Variants in COL15A1 observed in about 807,000 individuals in gnomAD.
The protein encoded by COL15A1 is collagen type XV alpha 1 chain, also known as collagen alpha-1(XV) chain.
Under a neutral mutation model 165.9 loss-of-function variants are expected in COL15A1, and 111 were observed. The observed-to-expected ratio is 0.67, with a 90% CI of 0.57 to 0.78. The LOEUF is 0.78. Among genes scored for constraint, COL15A1 ranks in the 30% least tolerant of loss-of-function variants. The pLI is 0.00. For missense variants in COL15A1, 1,745 were observed against 1,789.7 expected, an observed-to-expected ratio of 0.98 and a Z score of 0.45; for synonymous variants, 659 against 674.8, an observed-to-expected ratio of 0.98 and a Z score of 0.36.
chr9:99,051,487 A>C (rs1196965922), intron 30 of COL15A1, among the ~76,000 whole-genome samples: 1 of 152,176 alleles, frequency 6.6e-6, no homozygotes, highest in Non-Finnish European at 1.5e-5. Flanking sequence ...CCAGCATCTC[A>C]TGAGCCCCTT....
chr9:98,975,196 GC>G (rs1261338267), intron 2 of COL15A1, among the ~76,000 whole-genome samples: 1 of 152,242 alleles, frequency 6.6e-6, no homozygotes, highest in Non-Finnish European at 1.5e-5. Context: ...ACGCTCCTTA[GC>G]CTCCTCTGGC....
chr9:99,048,071 C>A, intron 28 of COL15A1, 71 bp downstream of exon 28: 3 of 831,560 alleles, frequency 3.6e-6, no homozygotes, highest in South Asian at 1.4e-5. Flanking sequence ...GTCCACAGAG[C>A]AGGGCCTGTG....
At chr9:99,065,943 G>A (rs1564097896) in intron 39 of COL15A1, among the ~76,000 whole-genome samples, 1 of 151,830 alleles carries the variant, frequency 6.6e-6, no homozygotes, top group Non-Finnish European at 1.5e-5. Flanking sequence ...TCTGAGAGGC[G>A]GGGTAGAAAC....
At chr9:98,974,175 C>T (rs776526301) in intron 2 of COL15A1, among the ~76,000 whole-genome samples, 3 of 152,134 alleles carry the variant, frequency 2.0e-5, no homozygotes, top group Non-Finnish European at 4.4e-5. Context: ...AAAGGACTTC[C>T]GAAGACTTCG....
At chr9:99,030,578 C>T (rs16918141) in intron 16 of COL15A1, among the ~76,000 whole-genome samples, 2,307 of 152,274 alleles carry the variant, frequency 0.015, 98 homozygotes, top group East Asian at 0.13. Flanking sequence ...TGGATAAAAT[C>T]ATCTAAGACC....
At chr9:99,009,486 T>C (rs1838814089) in intron 9 of COL15A1, among the ~76,000 whole-genome samples, 1 of 152,230 alleles carries the variant, frequency 6.6e-6, no homozygotes, top group African/African-American at 2.4e-5. Context: ...TATGTCTCTT[T>C]TGGACTTCAG....
chr9:99,011,577 A>G (rs1273106389), intron 9 of COL15A1, among the ~76,000 whole-genome samples: 2 of 152,064 alleles, frequency 1.3e-5, no homozygotes, highest in Admixed American at 6.5e-5. Context: ...TGTTTTATAC[A>G]TAACCTTTAA....
intron 40 of COL15A1, 68 bp from the exon 41 acceptor site, chr9:99,068,484 AAAG>A: frequency 1.1e-5 from 7 of 650,598 alleles, no homozygotes; most frequent in Admixed American, 3.8e-5. Flanking sequence ...AAAAAAAAAA[AAAG>A]AGTAAAAATC....
chr9:99,056,138 G>T (rs1188792954), intron 34 of COL15A1, 122 bp from the exon 35 acceptor site: 5 of 1,056,892 alleles, frequency 4.7e-6, no homozygotes, highest in Non-Finnish European at 7.3e-6. Context: ...CCAAGATTGA[G>T]GATAGTAATA....
chr9:99,003,380 T>C, intron 7 of COL15A1, 73 bp from the exon 8 acceptor site: 1 of 1,243,934 alleles, frequency 8.0e-7, no homozygotes, highest in East Asian at 2.8e-5. Context: ...GGCTAGGCAG[T>C]CTGTTCTCAC....
rs1837844960 is a variant in COL15A1 at position 98,960,301 on chromosome 9, G to A, written c.100+16051G>A. 5.9e-5 allele frequency among the ~76,000 whole-genome samples: 9 copies of A among 152,166 alleles called. No homozygotes were observed. The South Asian group carries it at 1.9e-3, about 32-fold the overall frequency. ...TGTACTCCCAGCTACTTGGGAGCCT[G>A]AGGTGGGAGGATCGCTTGAGCCCAA... On this transcript the variant is annotated intron_variant, in intron 2 of 41. Coordinates refer to ENST00000375001, the MANE Select transcript of COL15A1 (RefSeq NM_001855.5).
At chr9:98,996,664 C>T (rs1453528453) in intron 5 of COL15A1, among the ~76,000 whole-genome samples, 1 of 152,194 alleles carries the variant, frequency 6.6e-6, no homozygotes, top group Non-Finnish European at 1.5e-5. Flanking sequence ...TTGGGAATCA[C>T]AGAAATGTGG....
chr9:99,008,854 C>A (rs1458197070), intron 9 of COL15A1, among the ~76,000 whole-genome samples: 3 of 152,226 alleles, frequency 2.0e-5, no homozygotes, highest in African/African-American at 7.2e-5. Flanking sequence ...AGATGATCCA[C>A]CTGCCTCAGC....
chr9:99,060,351 T>C (rs1270449850), intron 36 of COL15A1, among the ~76,000 whole-genome samples: 1 of 150,174 alleles, frequency 6.7e-6, no homozygotes, highest in Non-Finnish European at 1.5e-5. Context: ...AGCCTCAACC[T>C]CCCTGAGCTC....
intron 39 of COL15A1, 42 bp from the exon 40 acceptor site, chr9:99,066,840 G>A (rs1825901837): frequency 6.4e-7 from 1 of 1,569,308 alleles, no homozygotes; most frequent in East Asian, 2.2e-5. Flanking sequence ...GCTGGAGTTT[G>A]CCTTTGATTC....
intron 2 of COL15A1, among the ~76,000 whole-genome samples, chr9:98,976,111 G>A (rs1838138601): frequency 6.6e-6 from 1 of 152,190 alleles, no homozygotes; most frequent in Non-Finnish European, 1.5e-5. Context: ...AGCTGCTTGA[G>A]CACACATGTT....
intron 31 of COL15A1, among the ~76,000 whole-genome samples, chr9:99,053,188 C>T (rs74483774): frequency 0.014 from 2,095 of 152,334 alleles, 95 homozygotes; most frequent in South Asian, 0.12. Flanking sequence ...CACCCTGTCA[C>T]GCCACTTGGG....
chr9:99,056,942 T>C (rs1326891604), intron 35 of COL15A1, among the ~76,000 whole-genome samples: 1 of 152,272 alleles, frequency 6.6e-6, no homozygotes, highest in Non-Finnish European at 1.5e-5. Context: ...TGTTTATTCA[T>C]TAATCTGTTC....
At chr9:98,971,328 A>G (rs1376828869) in intron 2 of COL15A1, among the ~76,000 whole-genome samples, 1 of 152,032 alleles carries the variant, frequency 6.6e-6, no homozygotes, top group Non-Finnish European at 1.5e-5. Context: ...TTTTCCTCCC[A>G]GAGCCCTGAG....
Sources: gnomAD v4.1 joint callset for allele counts (sites outside exome capture counted in the v4.1 genomes callset) on GRCh38, gnomAD v4.1.1 for gene constraint, MANE v1.5 for transcripts, NCBI Gene and HGNC (gene_info 2026-07-23, HGNC 2026-07-21) for gene names.